Variants in ATP8B4 observed in about 807,000 individuals in gnomAD.
ATP8B4 encodes the protein probable phospholipid-transporting ATPase IM.
ATP8B4 carries 133 observed loss-of-function variants against 145.6 expected under a neutral mutation model. The observed-to-expected ratio is 0.91, with a 90% confidence interval of 0.79 to 1.05. The LOEUF (loss-of-function observed/expected upper bound fraction) is 1.05, where lower values mean the gene tolerates loss of function less well. ATP8B4 is among the 50% of genes least tolerant of loss of function. ATP8B4 has a pLI of 0.00. For missense variants in ATP8B4, 1,458 were observed against 1,425.2 expected (o/e 1.02, Z -0.37); for synonymous variants, 507 against 492.9 (o/e 1.03, Z -0.38).
At chr15:50,140,371 TAA>T (rs896624138) in intron 1 of ATP8B4, among the ~76,000 whole-genome samples, 1 of 152,156 alleles carries the variant, frequency 6.6e-6, no homozygotes, top group African/African-American at 2.4e-5. Context: ...GGGATGTAGT[TAA>T]ATCACTTACA....
intron 1 of ATP8B4, among the ~76,000 whole-genome samples, chr15:50,140,656 T>C (rs921160085): frequency 3.5e-4 from 2 of 5,742 alleles, no homozygotes; most frequent in African/African-American, 5.2e-4. Context: ...ATTCAAAATA[T>C]ACAAAGAATG....
chr15:49,920,013 C>A (rs2040111940), intron 18 of ATP8B4, among the ~76,000 whole-genome samples: 1 of 152,194 alleles, frequency 6.6e-6, no homozygotes, highest in Admixed American at 6.5e-5. Flanking sequence ...CTATCTTCTA[C>A]TCTTGGGAAG....
intron 14 of ATP8B4, among the ~76,000 whole-genome samples, chr15:49,947,181 C>A (rs4774551): frequency 6.6e-6 from 1 of 151,898 alleles, no homozygotes; most frequent in African/African-American, 2.4e-5. Flanking sequence ...GCTTGTAATC[C>A]CAGCATTTTG....
chr15:49,961,867 G>T, intron 14 of ATP8B4, 110 bp downstream of exon 14: 1 of 883,116 alleles, frequency 1.1e-6, no homozygotes, highest in East Asian at 2.8e-5. Flanking sequence ...TATGCATTAA[G>T]TATCTCATCT....
chr15:49,954,556 G>A (rs1169807008), intron 14 of ATP8B4, among the ~76,000 whole-genome samples: 2 of 152,008 alleles, frequency 1.3e-5, no homozygotes, highest in Admixed American at 6.5e-5. Flanking sequence ...AGACATACAG[G>A]CGGCAAACAT....
chr15:50,180,626 G>T (rs2044831852), intron 1 of ATP8B4, among the ~76,000 whole-genome samples: 1 of 152,118 alleles, frequency 6.6e-6, no homozygotes, highest in Non-Finnish European at 1.5e-5. Flanking sequence ...GTGGCATTGG[G>T]ATGAAAAAGG....
chr15:49,912,720 A>G (rs2039355929), intron 20 of ATP8B4, among the ~76,000 whole-genome samples: 2 of 152,174 alleles, frequency 1.3e-5, no homozygotes, highest in Non-Finnish European at 2.9e-5. Flanking sequence ...ACAACAAAAA[A>G]AGAAAACTAC....
At chr15:50,157,621 T>C (rs551258606) in intron 1 of ATP8B4, among the ~76,000 whole-genome samples, 2 of 152,262 alleles carry the variant, frequency 1.3e-5, no homozygotes, top group South Asian at 4.1e-4. Context: ...ATATAAATTT[T>C]AGGATTTTTT....
chr15:50,105,665 A>C (rs2056639736), intron 2 of ATP8B4, among the ~76,000 whole-genome samples: 1 of 152,176 alleles, frequency 6.6e-6, no homozygotes, highest in Admixed American at 6.5e-5. Flanking sequence ...CAGCAACCTC[A>C]AGTAGTTATT....
At position 50,085,132 on chromosome 15, in the gene ATP8B4, T is replaced by A. The variant is rs574437039; in HGVS notation, c.29-10947A>T. On this transcript the variant is annotated intron_variant, in intron 2 of 27. Transcript: ENST00000284509. ...CAGGGCCCTGCCTAATCTTTACACA[T>A]CTACCCCATTACCTCCCTGGCCTCA... 3.9e-5 allele frequency among the ~76,000 whole-genome samples: 6 copies of A among 152,208 alleles called. No homozygotes were observed. In the South Asian group the frequency reaches 1.2e-3, roughly 32 times the overall value.
intron 14 of ATP8B4, among the ~76,000 whole-genome samples, chr15:49,959,717 T>C (rs2043895977): frequency 6.6e-6 from 1 of 152,154 alleles, no homozygotes; most frequent in Non-Finnish European, 1.5e-5. Context: ...CAAAAATTAA[T>C]TGCATACCTA....
intron 3 of ATP8B4, among the ~76,000 whole-genome samples, chr15:50,053,437 C>T (rs548897236): frequency 1.3e-5 from 2 of 152,338 alleles, no homozygotes; most frequent in South Asian, 4.1e-4. Flanking sequence ...CTCTTCCAGT[C>T]TGCATTTCAA....
At position 49,901,079 on chromosome 15, in the gene ATP8B4, T is replaced by C; in HGVS notation, c.2289+13A>G. The C allele has an allele frequency of 6.2e-7, 1 of 1,610,100 alleles. No individual in the cohort carries two copies. Among genetic ancestry groups the C allele is most frequent in the Middle Eastern group, 1.7e-4 (1 of 6,032 alleles). On this transcript the variant is annotated intron_variant, in intron 21 of 27. Coordinates refer to ENST00000284509, the MANE Select transcript of ATP8B4 (RefSeq NM_024837.4). Reference sequence around the variant, plus strand: ...GAAGAAAAAGAAAGGACAAAAACCTTAGGCAAACTCACCAAACTGTGGCCA... The same window carrying C: ...GAAGAAAAAGAAAGGACAAAAACCTCAGGCAAACTCACCAAACTGTGGCCA...
intron 1 of ATP8B4, among the ~76,000 whole-genome samples, chr15:50,146,508 AG>A (rs1423590126): frequency 1.3e-5 from 2 of 152,226 alleles, no homozygotes; most frequent in Admixed American, 1.3e-4. Flanking sequence ...ATAATAATTA[AG>A]AAAGCCTTGA....
intron 2 of ATP8B4, among the ~76,000 whole-genome samples, chr15:50,102,708 T>C (rs567360731): frequency 1.5e-4 from 22 of 150,410 alleles, no homozygotes; most frequent in Admixed American, 3.3e-4. Context: ...TTCCACAAGA[T>C]AGACAAAGAG....
intron 1 of ATP8B4, among the ~76,000 whole-genome samples, chr15:50,141,232 G>C (rs1427778690): frequency 6.6e-6 from 1 of 152,050 alleles, no homozygotes; most frequent in Non-Finnish European, 1.5e-5. Context: ...CTACAGATAA[G>C]CTCAAGGGCT....
At chr15:49,861,402 A>ATGTGTG (rs58396806) in intron 27 of ATP8B4, among the ~76,000 whole-genome samples, 3,184 of 97,360 alleles carry the variant, frequency 0.033, 97 homozygotes, top group Middle Eastern at 0.079. Flanking sequence ...TTAAAAAAAA[A>ATGTGTG]TGTGTGTGTG....
intron 1 of ATP8B4, among the ~76,000 whole-genome samples, chr15:50,154,496 A>G (rs2044387701): frequency 6.6e-6 from 1 of 152,198 alleles, no homozygotes; most frequent in Admixed American, 6.5e-5. Context: ...TATACTAATC[A>G]GCAATTTAAC....
At chr15:49,901,025 G>T in intron 21 of ATP8B4, 67 bp downstream of exon 21, 1 of 1,545,944 alleles carries the variant, frequency 6.5e-7, no homozygotes, top group Non-Finnish European at 8.8e-7. Context: ...GTCTCATTAT[G>T]ATAGCACAAA....
Sources: gnomAD v4.1 joint callset for allele counts (sites outside exome capture counted in the v4.1 genomes callset) on GRCh38, gnomAD v4.1.1 for gene constraint, MANE v1.5 for transcripts, NCBI Gene and HGNC (gene_info 2026-07-23, HGNC 2026-07-21) for gene names.